The following KLHL32 variants were observed in gnomAD, a reference collection of about 807,000 sequenced individuals.
KLHL32 encodes the protein kelch-like protein 32.
A neutral mutation model predicts 64.8 loss-of-function variants in KLHL32; 35 were observed. The ratio of observed to expected loss-of-function variants is 0.54; its 90% confidence interval spans 0.41 to 0.72. The LOEUF (loss-of-function observed/expected upper bound fraction) is 0.72. Ranked by LOEUF, KLHL32 falls within the 30% of genes least tolerant of loss-of-function variation. The pLI is 0.00. For missense variants in KLHL32, 589 were observed against 768.5 expected, an observed-to-expected ratio of 0.77 and a Z score of 2.76; for synonymous variants, 259 against 281.0, an observed-to-expected ratio of 0.92 and a Z score of 0.78.
chr6:96,944,500 A>C (rs1056372666), intron 1 of KLHL32, among the ~76,000 whole-genome samples: 8 of 152,224 alleles, frequency 5.3e-5, no homozygotes, highest in African/African-American at 1.9e-4. Flanking sequence ...ATATTCTACT[A>C]CAATGGCCCC....
intron 7 of KLHL32, among the ~76,000 whole-genome samples, chr6:97,118,804 T>C (rs1255490353): frequency 6.6e-6 from 1 of 152,082 alleles, no homozygotes; most frequent in Non-Finnish European, 1.5e-5. Context: ...TGTTCCGGGA[T>C]AGTGCTGGAG....
At chr6:96,969,804 A>T (rs1164239336) in intron 2 of KLHL32, among the ~76,000 whole-genome samples, 10 of 152,166 alleles carry the variant, frequency 6.6e-5, no homozygotes, top group Non-Finnish European at 5.9e-5. Flanking sequence ...TGAGTCTCAG[A>T]TTTACATTTC....
chr6:97,112,692 G>A (rs1366205565), intron 6 of KLHL32, among the ~76,000 whole-genome samples: 3 of 151,534 alleles, frequency 2.0e-5, no homozygotes, highest in East Asian at 3.9e-4. Context: ...TGATCTGCCT[G>A]CCTAGGCCTC....
intron 5 of KLHL32, among the ~76,000 whole-genome samples, chr6:97,081,902 A>T (rs535318745): frequency 1.8e-4 from 28 of 152,284 alleles, no homozygotes; most frequent in African/African-American, 5.8e-4. Flanking sequence ...TCATGGCTAG[A>T]GCCAAGCCAG....
intron 7 of KLHL32, among the ~76,000 whole-genome samples, chr6:97,118,444 C>A (rs1798030360): frequency 6.6e-6 from 1 of 151,778 alleles, no homozygotes; most frequent in Non-Finnish European, 1.5e-5. Flanking sequence ...CATGGTGAAA[C>A]CCCATCTCTA....
chr6:97,059,429 A>G (rs1463545114), intron 4 of KLHL32, among the ~76,000 whole-genome samples: 1 of 152,238 alleles, frequency 6.6e-6, no homozygotes, highest in Non-Finnish European at 1.5e-5. Flanking sequence ...ATAGAGAACT[A>G]CTGAATTCTA....
At chr6:96,899,043 GT>G in the KLHL32 span, among the ~76,000 whole-genome samples, 4 of 152,134 alleles carry the variant, frequency 2.6e-5, no homozygotes, top group African/African-American at 9.7e-5. Flanking sequence ...GAAAGGGAAA[GT>G]TTTTTAAAAA....
At chr6:97,028,749 CA>C (rs1483510493) in intron 3 of KLHL32, among the ~76,000 whole-genome samples, 1 of 152,150 alleles carries the variant, frequency 6.6e-6, no homozygotes, top group East Asian at 1.9e-4. Context: ...ACAGCCTCTT[CA>C]ATTAATTCGA....
At chr6:97,027,865 C>T (rs1391496002) in intron 3 of KLHL32, among the ~76,000 whole-genome samples, 1 of 152,066 alleles carries the variant, frequency 6.6e-6, no homozygotes, top group Non-Finnish European at 1.5e-5. Flanking sequence ...ATACTATTTC[C>T]AGTAGGAGAC....
intron 3 of KLHL32, among the ~76,000 whole-genome samples, chr6:97,028,002 G>A (rs978737774): frequency 6.6e-6 from 1 of 152,132 alleles, no homozygotes; most frequent in African/African-American, 2.4e-5. Context: ...TATTTTGAAG[G>A]TTTTACTAAT....
At chr6:96,909,351 G>C in the KLHL32 span, among the ~76,000 whole-genome samples, 2 of 152,284 alleles carry the variant, frequency 1.3e-5, no homozygotes, top group South Asian at 2.1e-4. Flanking sequence ...TGTCACGAAG[G>C]CTTATTTTTG....
At chr6:97,083,899 T>C (rs1465147264) in intron 5 of KLHL32, among the ~76,000 whole-genome samples, 1 of 152,222 alleles carries the variant, frequency 6.6e-6, no homozygotes, top group Admixed American at 6.5e-5. Context: ...CTTATTTTGC[T>C]TACACATGGT....
chr6:97,031,298 A>G (rs1206104), intron 3 of KLHL32, among the ~76,000 whole-genome samples: 26,660 of 151,906 alleles, frequency 0.18, 2,789 homozygotes, highest in African/African-American at 0.3. Context: ...TAATCTTTAG[A>G]TTAGTTCTAG....
At chr6:97,090,069 C>T (rs1367361592) in intron 6 of KLHL32, among the ~76,000 whole-genome samples, 5 of 152,132 alleles carry the variant, frequency 3.3e-5, no homozygotes, top group African/African-American at 4.8e-5. Context: ...CAATCCTGTT[C>T]ATATTTGTCC....
rs374968096 is a variant in KLHL32, at chr6:96,927,210, T to G, written c.-66+2184T>G. Among the ~76,000 whole-genome samples, 5 of 152,318 alleles carry G rather than the reference T, an allele frequency of 3.3e-5. No homozygotes were observed. In the East Asian group the frequency reaches 7.7e-4, roughly 23 times the overall value. On this transcript the variant is annotated intron_variant, in intron 1 of 10. Coordinates refer to ENST00000369261, the MANE Select transcript of KLHL32 (RefSeq NM_052904.4). ...GAACTTATGTTCCTGGCTTAATGTT[T>G]TTTTTCTTGCCATAAGGCCAAGAAG...
chr6:97,107,062 G>A (rs913659559), intron 6 of KLHL32, among the ~76,000 whole-genome samples: 1 of 152,154 alleles, frequency 6.6e-6, no homozygotes, highest in Admixed American at 6.5e-5. Context: ...GGAGGCGAAG[G>A]CGGGCGGATC....
intron 3 of KLHL32, among the ~76,000 whole-genome samples, chr6:96,977,604 A>T (rs1165933624): frequency 2.6e-5 from 4 of 152,184 alleles, no homozygotes; most frequent in Non-Finnish European, 4.4e-5. Flanking sequence ...GTAAAGCCTA[A>T]ATGTTACAGA....
chr6:96,989,070 G>C (rs182598530), intron 3 of KLHL32, among the ~76,000 whole-genome samples: 1 of 152,156 alleles, frequency 6.6e-6, no homozygotes, highest in Non-Finnish European at 1.5e-5. Context: ...AAACCTGCAC[G>C]TTGTGCACAT....
intron 10 of KLHL32, among the ~76,000 whole-genome samples, chr6:97,137,203 G>GAA (rs1286800378): frequency 6.6e-6 from 1 of 152,094 alleles, no homozygotes; most frequent in African/African-American, 2.4e-5. Flanking sequence ...GATTCTCTAG[G>GAA]AAAGTAAATG....
Sources: allele counts gnomAD v4.1 joint callset (sites outside exome capture counted in the v4.1 genomes callset), GRCh38; gene constraint gnomAD v4.1.1; transcripts MANE v1.5; gene names NCBI Gene and HGNC (gene_info 2026-07-23, HGNC 2026-07-21).